ABCA12: variants seen among roughly 807,000 people sequenced by gnomAD.
The protein encoded by ABCA12 is glucosylceramide transporter ABCA12.
ABCA12 carries 156 observed loss-of-function variants against 293.5 expected under a neutral mutation model. The observed-to-expected ratio is 0.53, with a 90% CI of 0.47 to 0.61. The LOEUF (loss-of-function observed/expected upper bound fraction) is 0.61. Ranked by LOEUF, ABCA12 falls within the 20% of genes least tolerant of loss-of-function variation. The pLI is 0.00. For synonymous variants in ABCA12, 1,063 were observed against 1,108.0 expected, an observed-to-expected ratio of 0.96 and a Z score of 0.81; for missense variants, 2,797 against 3,090.2, an observed-to-expected ratio of 0.91 and a Z score of 2.25.
chr2:215,011,670 A>G lies in ABCA12; in HGVS notation c.2122-21T>C, dbSNP rs984296410. 16 of 1,608,176 alleles carry G rather than the reference A, an allele frequency of 9.9e-6. No individual in the cohort carries two copies. The Admixed American group carries it at 2.2e-4, about 22-fold the overall frequency. On this transcript the variant is annotated intron_variant, in intron 16 of 52. Coordinates refer to ENST00000272895, the MANE Select transcript of ABCA12 (RefSeq NM_173076.3). ...ATTGCCTGTGAGACAAAAATCCACA[A>G]TTTATTGACACTATATGAGCTTTAG...
chr2:215,089,668 A>G (rs1575036601), intron 2 of ABCA12, among the ~76,000 whole-genome samples: 1 of 152,220 alleles, frequency 6.6e-6, no homozygotes, highest in East Asian at 1.9e-4. Context: ...ATTTTTATCC[A>G]TTGTTTCTCT....
chr2:215,019,245 T>C (rs1700570804), intron 13 of ABCA12, 91 bp downstream of exon 13: 6 of 1,183,034 alleles, frequency 5.1e-6, no homozygotes, highest in Admixed American at 3.5e-5. Context: ...GCGAGTTTGG[T>C]TGGGAACTTC....
intron 7 of ABCA12, among the ~76,000 whole-genome samples, chr2:215,038,237 G>T (rs1481608113): frequency 6.6e-6 from 1 of 152,054 alleles, no homozygotes; most frequent in Admixed American, 6.6e-5. Flanking sequence ...CTAACATTTA[G>T]TTTTCTAATA....
intron 10 of ABCA12, 62 bp from the exon 11 acceptor site, chr2:215,025,841 T>G (rs932445441): frequency 3.3e-5 from 38 of 1,139,480 alleles, no homozygotes; most frequent in Non-Finnish European, 5.1e-5. Context: ...GAAACCAGTT[T>G]GAAAGACACC....
At chr2:215,125,562 G>A (rs1702904596) in intron 1 of ABCA12, among the ~76,000 whole-genome samples, 1 of 151,944 alleles carries the variant, frequency 6.6e-6, no homozygotes, top group Non-Finnish European at 1.5e-5. Context: ...TACAACTAGT[G>A]TAAAAGGGGC....
intron 6 of ABCA12, among the ~76,000 whole-genome samples, chr2:215,047,637 T>C (rs913128015): frequency 5.3e-5 from 8 of 152,002 alleles, no homozygotes; most frequent in South Asian, 2.1e-4. Context: ...TTAAAAAATA[T>C]ACACCTTGCT....
At chr2:215,033,060 A>G (rs554807792) in intron 8 of ABCA12, among the ~76,000 whole-genome samples, 3 of 152,354 alleles carry the variant, frequency 2.0e-5, no homozygotes, top group African/African-American at 7.2e-5. Flanking sequence ...GCTATCTGGC[A>G]GAGTGGCTGT....
At position 215,037,116 on chromosome 2, in the gene ABCA12, C is replaced by T. The variant is rs774347106; in HGVS notation, c.873-51G>A. 2.7e-6 allele frequency: 4 copies of T among 1,460,522 alleles called. No homozygotes were observed. The Admixed American group carries it at 6.8e-5, about 25-fold the overall frequency. The allele number at this position is 1,460,522 out of a possible 1,614,324, so 90.5% of individuals were successfully genotyped here. A position where few individuals can be genotyped will look rare whatever the true frequency, so the allele number is the denominator to read the frequency against. Reference sequence around the variant, plus strand: ...CAGATTCTGTTTCAAGGTTTGCAGACAGAAACAAAAGATTATTCAAGGAGA... The same window carrying T: ...CAGATTCTGTTTCAAGGTTTGCAGATAGAAACAAAAGATTATTCAAGGAGA... On this transcript the variant is annotated intron_variant, in intron 7 of 52. Transcript: ENST00000272895.
At chr2:214,998,989 T>A (rs990413212) in intron 22 of ABCA12, among the ~76,000 whole-genome samples, 1 of 152,130 alleles carries the variant, frequency 6.6e-6, no homozygotes, top group Non-Finnish European at 1.5e-5. Context: ...CCAAGAAAAA[T>A]GTAAATATTA....
chr2:215,122,525 T>C (rs1469397524), intron 1 of ABCA12, among the ~76,000 whole-genome samples: 1 of 152,090 alleles, frequency 6.6e-6, no homozygotes, highest in African/African-American at 2.4e-5. Flanking sequence ...CTGTGAAAGG[T>C]GGTAATATGA....
intron 44 of ABCA12, among the ~76,000 whole-genome samples, chr2:214,951,300 C>A (rs1380555447): frequency 6.6e-6 from 1 of 152,076 alleles, no homozygotes; most frequent in African/African-American, 2.4e-5. Flanking sequence ...GTTCTCCATG[C>A]CTTAAATGTT....
chr2:215,018,887 G>A (rs1020358738), intron 13 of ABCA12, among the ~76,000 whole-genome samples: 10 of 152,118 alleles, frequency 6.6e-5, no homozygotes, highest in Non-Finnish European at 8.8e-5. Flanking sequence ...GAGGAATTAT[G>A]CAAAGAAGAA....
At chr2:215,063,695 C>T (rs1221511417) in intron 3 of ABCA12, among the ~76,000 whole-genome samples, 1 of 151,910 alleles carries the variant, frequency 6.6e-6, no homozygotes, top group Non-Finnish European at 1.5e-5. Flanking sequence ...GTATGTGATT[C>T]TTCCAGGATG....
At chr2:214,937,820 T>C (rs1698267347) in intron 50 of ABCA12, among the ~76,000 whole-genome samples, 1 of 152,174 alleles carries the variant, frequency 6.6e-6, no homozygotes, top group Non-Finnish European at 1.5e-5. Flanking sequence ...TTTCTACCTC[T>C]ATATAAAATC....
At chr2:215,086,206 G>A (rs1372811877) in intron 2 of ABCA12, among the ~76,000 whole-genome samples, 2 of 152,164 alleles carry the variant, frequency 1.3e-5, no homozygotes, top group Non-Finnish European at 2.9e-5. Flanking sequence ...GATACAATGG[G>A]TTAAGTACAT....
At chr2:215,079,960 C>T (rs1168891665) in intron 2 of ABCA12, among the ~76,000 whole-genome samples, 2 of 152,060 alleles carry the variant, frequency 1.3e-5, no homozygotes, top group African/African-American at 4.8e-5. Context: ...TTATCGTATT[C>T]CTAATATGTT....
chr2:215,125,134 G>C (rs187136413), intron 1 of ABCA12, among the ~76,000 whole-genome samples: 1 of 152,134 alleles, frequency 6.6e-6, no homozygotes, highest in Non-Finnish European at 1.5e-5. Context: ...CTTATTTCTG[G>C]GTTCTCTATT....
At chr2:214,971,123 C>T (rs537505265) in intron 36 of ABCA12, among the ~76,000 whole-genome samples, 1 of 152,172 alleles carries the variant, frequency 6.6e-6, no homozygotes, top group Non-Finnish European at 1.5e-5. Context: ...ACTTAATTTT[C>T]AGTGTAGCTT....
In ABCA12 at chr2:214,982,046, A is replaced by C. The variant is rs183826236; in HGVS notation, c.4579+141T>G. 35 of 776,598 alleles carry C rather than the reference A, an allele frequency of 4.5e-5. No individual in the cohort carries two copies. The East Asian group carries it at 9.3e-4, about 21-fold the overall frequency. The allele number at this position is 776,598 out of a possible 1,614,324, so 48.1% of individuals were successfully genotyped here. ...AGGCTGGTCTCAAACTCCCAGGCTC[A>C]AGCAATCCTCCTGTCTTGGCCTCCC... On this transcript the variant is annotated intron_variant, in intron 30 of 52. Coordinates refer to ENST00000272895, the MANE Select transcript of ABCA12 (RefSeq NM_173076.3).
Sources: allele counts gnomAD v4.1 joint callset (sites outside exome capture counted in the v4.1 genomes callset), GRCh38; gene constraint gnomAD v4.1.1; transcripts MANE v1.5; gene names NCBI Gene and HGNC (gene_info 2026-07-23, HGNC 2026-07-21).